The following ZC3H12B variants were observed in gnomAD, a reference collection of about 807,000 sequenced individuals.
ZC3H12B encodes the protein probable ribonuclease ZC3H12B.
ZC3H12B carries 7 observed loss-of-function variants against 43.9 expected under a neutral mutation model. The observed-to-expected ratio is 0.16, with a 90% confidence interval of 0.09 to 0.30. The LOEUF is 0.30. Ranked by LOEUF, ZC3H12B falls within the 10% of genes least tolerant of loss-of-function variation. The pLI is 1.00. For missense variants in ZC3H12B, 475 were observed against 670.2 expected (o/e 0.71, Z 3.22); for synonymous variants, 222 against 241.7 (o/e 0.92, Z 0.76).
At chrX:65,212,685 C>T in the ZC3H12B span, among the ~76,000 whole-genome samples, 13,459 of 83,680 alleles carry the variant, frequency 0.16, 2,717 homozygotes, top group African/African-American at 0.54. Flanking sequence ...ATTTATATAT[C>T]ATATATAAAT....
chrX:65,295,943 G>A, the ZC3H12B span, among the ~76,000 whole-genome samples: 2 of 111,264 alleles, frequency 1.8e-5, no homozygotes, highest in South Asian at 3.7e-4. Context: ...TATCCAGAAA[G>A]GGTGTGGAGA....
At chrX:65,090,258 A>G in the ZC3H12B span, among the ~76,000 whole-genome samples, 1 of 111,693 alleles carries the variant, frequency 9.0e-6, no homozygotes, top group Non-Finnish European at 1.9e-5. Context: ...TTTCAGTTCC[A>G]TTATAATTTT....
chrX:65,288,741 C>T, the ZC3H12B span, among the ~76,000 whole-genome samples: 1 of 111,226 alleles, frequency 9.0e-6, no homozygotes, highest in South Asian at 3.7e-4. Flanking sequence ...GAAGTCCTAG[C>T]TAGAGCAATC....
At chrX:65,167,055 C>T in the ZC3H12B span, among the ~76,000 whole-genome samples, 1 of 111,857 alleles carries the variant, frequency 8.9e-6, no homozygotes, top group Non-Finnish European at 1.9e-5. Context: ...AATTAGATTG[C>T]ATTTGTCACT....
the ZC3H12B span, among the ~76,000 whole-genome samples, chrX:65,130,994 G>A: frequency 2.7e-5 from 3 of 112,112 alleles, no homozygotes; most frequent in Admixed American, 2.8e-4. Flanking sequence ...TATTAAAGAG[G>A]CATTAATGAT....
chrX:65,328,722 C>T, the ZC3H12B span, among the ~76,000 whole-genome samples: 1 of 75,107 alleles, frequency 1.3e-5, no homozygotes, highest in Non-Finnish European at 2.5e-5. Flanking sequence ...CAACAGTCCC[C>T]AGTGTGTGAT....
the ZC3H12B span, among the ~76,000 whole-genome samples, chrX:65,292,820 A>G: frequency 9.1e-6 from 1 of 110,235 alleles, no homozygotes; most frequent in Non-Finnish European, 1.9e-5. Context: ...CTTTGTCTCT[A>G]CAGATAATAA....
At chrX:65,152,835 C>T in the ZC3H12B span, among the ~76,000 whole-genome samples, 31 of 111,820 alleles carry the variant, frequency 2.8e-4, no homozygotes, top group Non-Finnish European at 9.4e-5. Context: ...TCAAACTATA[C>T]TACAAGGCTA....
intron 2 of ZC3H12B, among the ~76,000 whole-genome samples, chrX:65,377,793 A>G (rs984081053): frequency 1.8e-5 from 2 of 111,806 alleles, no homozygotes; most frequent in South Asian, 7.5e-4. Flanking sequence ...AAAGTACGTT[A>G]GTGAGCAATA....
the ZC3H12B span, among the ~76,000 whole-genome samples, chrX:65,229,458 C>G: frequency 9.2e-6 from 1 of 108,286 alleles, no homozygotes; most frequent in Admixed American, 1.0e-4. Flanking sequence ...CATTACCATT[C>G]AGGACATAGG....
At chrX:65,317,347 C>T in the ZC3H12B span, among the ~76,000 whole-genome samples, 1 of 110,143 alleles carries the variant, frequency 9.1e-6, no homozygotes, top group African/African-American at 3.3e-5. Flanking sequence ...GAACTGCATA[C>T]AATTACATGG....
the ZC3H12B span, among the ~76,000 whole-genome samples, chrX:65,282,455 G>C: frequency 9.0e-6 from 1 of 111,608 alleles, no homozygotes; most frequent in Non-Finnish European, 1.9e-5. Context: ...AAAAATAAAA[G>C]GCATCTAAGT....
At chrX:65,130,920 G>C in the ZC3H12B span, among the ~76,000 whole-genome samples, 148 of 112,001 alleles carry the variant, frequency 1.3e-3, 1 homozygote, top group Middle Eastern at 4.6e-3. Context: ...GATGCCTTTT[G>C]ATGGCCCTTG....
At chrX:65,130,060 G>T in the ZC3H12B span, among the ~76,000 whole-genome samples, 8 of 111,660 alleles carry the variant, frequency 7.2e-5, no homozygotes, top group Non-Finnish European at 1.5e-4. Context: ...TAATTAGAGA[G>T]TGCTCAAGGG....
chrX:65,423,449 A>G (rs2067043876), intron 3 of ZC3H12B, among the ~76,000 whole-genome samples: 1 of 112,450 alleles, frequency 8.9e-6, no homozygotes, highest in Admixed American at 9.4e-5. Context: ...GTCTTCCACA[A>G]TGATTGAGCT....
At chrX:65,227,803 G>A in the ZC3H12B span, among the ~76,000 whole-genome samples, 10 of 111,029 alleles carry the variant, frequency 9.0e-5, no homozygotes, top group African/African-American at 2.6e-4. Flanking sequence ...TAAATTCCTC[G>A]ACACATACAC....
the ZC3H12B span, among the ~76,000 whole-genome samples, chrX:65,284,449 G>T: frequency 9.0e-6 from 1 of 111,477 alleles, no homozygotes; most frequent in South Asian, 3.7e-4. Context: ...AAACAATTCA[G>T]GATATGAATA....
chrX:65,250,363 T>C, the ZC3H12B span, among the ~76,000 whole-genome samples: 1 of 112,162 alleles, frequency 8.9e-6, no homozygotes, highest in Admixed American at 9.5e-5. Context: ...TGGTTCCAAA[T>C]CTTTGCTATT....
the ZC3H12B span, among the ~76,000 whole-genome samples, chrX:65,188,695 T>A: frequency 9.0e-6 from 1 of 111,414 alleles, no homozygotes; most frequent in Non-Finnish European, 1.9e-5. Flanking sequence ...ATTTCTTGGT[T>A]TCTTTTTTAG....
Sources: allele counts gnomAD v4.1 joint callset (sites outside exome capture counted in the v4.1 genomes callset), GRCh38; gene constraint gnomAD v4.1.1; transcripts MANE v1.5; gene names NCBI Gene and HGNC (gene_info 2026-07-23, HGNC 2026-07-21).